DNM3: variants seen among roughly 807,000 people sequenced by gnomAD.
The protein encoded by DNM3 is dynamin-3.
A neutral mutation model predicts 101.6 loss-of-function variants in DNM3; 47 were observed. The ratio of observed to expected loss-of-function variants is 0.46; its 90% CI spans 0.37 to 0.59. DNM3 has a LOEUF of 0.59. DNM3 is among the 20% of genes least tolerant of loss of function. DNM3 has a pLI of 0.00. For synonymous variants in DNM3, 385 were observed against 387.9 expected, an observed-to-expected ratio of 0.99 and a Z score of 0.09; for missense variants, 849 against 1,085.7, an observed-to-expected ratio of 0.78 and a Z score of 3.06.
At chr1:172,182,623 A>G (rs2059388633) in intron 14 of DNM3, among the ~76,000 whole-genome samples, 2 of 152,140 alleles carry the variant, frequency 1.3e-5, no homozygotes, top group African/African-American at 4.8e-5. Flanking sequence ...GGTACTCACT[A>G]AAGTGGAGCA....
intron 14 of DNM3, among the ~76,000 whole-genome samples, chr1:172,250,621 A>G (rs1328859093): frequency 1.3e-5 from 2 of 152,136 alleles, no homozygotes; most frequent in Non-Finnish European, 2.9e-5. Flanking sequence ...TGTTGTGGGA[A>G]TGTCAAAGGA....
intron 1 of DNM3, among the ~76,000 whole-genome samples, chr1:171,919,451 C>A (rs1342366490): frequency 6.6e-6 from 1 of 151,944 alleles, no homozygotes; most frequent in Non-Finnish European, 1.5e-5. Context: ...ATGATGGTTT[C>A]CAGCTTTATC....
intron 1 of DNM3, among the ~76,000 whole-genome samples, chr1:171,860,228 A>G (rs1459606502): frequency 1.3e-5 from 2 of 152,132 alleles, no homozygotes; most frequent in Non-Finnish European, 2.9e-5. Context: ...GTTACTTTAA[A>G]TCTACTTTTA....
At chr1:171,978,530 A>G (rs768762773) in intron 2 of DNM3, among the ~76,000 whole-genome samples, 6 of 152,124 alleles carry the variant, frequency 3.9e-5, no homozygotes, top group Non-Finnish European at 7.3e-5. Context: ...CTGGAGGCAG[A>G]TGGGTGGCAG....
intron 20 of DNM3, among the ~76,000 whole-genome samples, chr1:172,391,965 A>G (rs908030578): frequency 3.9e-5 from 6 of 152,360 alleles, no homozygotes; most frequent in African/African-American, 1.4e-4. Flanking sequence ...TTAAGAGCAT[A>G]TATACTTTTA....
At chr1:172,022,386 C>G (rs2047907924) in intron 4 of DNM3, among the ~76,000 whole-genome samples, 1 of 152,000 alleles carries the variant, frequency 6.6e-6, no homozygotes, top group African/African-American at 2.4e-5. Flanking sequence ...TTGAGTCTGC[C>G]AGCAGGAGTT....
chr1:172,008,369 T>C (rs2046840090), intron 4 of DNM3, among the ~76,000 whole-genome samples: 1 of 152,042 alleles, frequency 6.6e-6, no homozygotes, highest in Non-Finnish European at 1.5e-5. Context: ...TATTTGGAAT[T>C]GATTTTTGCA....
intron 16 of DNM3, among the ~76,000 whole-genome samples, chr1:172,313,395 A>G (rs1191793766): frequency 6.6e-6 from 1 of 152,250 alleles, no homozygotes; most frequent in Non-Finnish European, 1.5e-5. Context: ...ATTATAAATA[A>G]ATGTGAATTT....
intron 10 of DNM3, among the ~76,000 whole-genome samples, chr1:172,061,085 A>G (rs1487639677): frequency 1.4e-5 from 2 of 143,872 alleles, no homozygotes; most frequent in African/African-American, 5.3e-5. Context: ...CAGCCAAAAA[A>G]CACATGAAAA....
chr1:172,337,712 A>G (rs913408892), intron 17 of DNM3, among the ~76,000 whole-genome samples: 7 of 152,108 alleles, frequency 4.6e-5, no homozygotes, highest in African/African-American at 1.7e-4. Context: ...CACTAGCTCA[A>G]GTTTTCTCAA....
Position 171,943,110 on chromosome 1 carries a change from C to CA in DNM3, c.235+21298dup, listed in dbSNP as rs199752457. 6.7e-3 allele frequency among the ~76,000 whole-genome samples: 974 copies of CA among 144,322 alleles called. 13 individuals are homozygous for CA. Among genetic ancestry groups the CA allele is most frequent in the African/African-American group, 0.022 (868 of 39,020 alleles). The allele number at this position is 144,322 out of a possible 152,430, so 94.7% of individuals were successfully genotyped here. A position where few individuals can be genotyped will look rare whatever the true frequency, so the allele number is the denominator to read the frequency against. ...TGAGCAACAGAGTGAAACACTGTCT[C>CA]AAAAAAAAATAAAAATAAAAAATAA... On this transcript the variant is annotated intron_variant, in intron 2 of 20. Transcript: ENST00000627582.
intron 2 of DNM3, among the ~76,000 whole-genome samples, chr1:171,959,380 C>CT (rs1221881371): frequency 6.6e-6 from 1 of 152,008 alleles, no homozygotes; most frequent in Non-Finnish European, 1.5e-5. Flanking sequence ...AGGTTTCTAG[C>CT]TTGGGTTACG....
At chr1:172,155,119 G>C (rs1013876511) in intron 14 of DNM3, among the ~76,000 whole-genome samples, 1 of 151,702 alleles carries the variant, frequency 6.6e-6, no homozygotes, top group African/African-American at 2.4e-5. Flanking sequence ...ATTTAAAGAG[G>C]AACACACTCA....
chr1:172,034,049 C>T (rs1238181230), intron 6 of DNM3, among the ~76,000 whole-genome samples: 1 of 152,120 alleles, frequency 6.6e-6, no homozygotes, highest in African/African-American at 2.4e-5. Context: ...CTTAATCAGG[C>T]AATCAATCAA....
At chr1:172,219,650 G>T (rs1304389679) in intron 14 of DNM3, among the ~76,000 whole-genome samples, 1 of 152,076 alleles carries the variant, frequency 6.6e-6, no homozygotes, top group East Asian at 1.9e-4. Flanking sequence ...GAACGCAAAA[G>T]ACTCAATCTG....
chr1:172,240,423 T>G (rs1261391444), intron 14 of DNM3, among the ~76,000 whole-genome samples: 2 of 152,172 alleles, frequency 1.3e-5, no homozygotes, highest in African/African-American at 4.8e-5. Context: ...ATCTACTGAG[T>G]TCTGGGAATT....
At chr1:171,947,470 T>C (rs1396920338) in intron 2 of DNM3, among the ~76,000 whole-genome samples, 3 of 152,104 alleles carry the variant, frequency 2.0e-5, no homozygotes, top group Non-Finnish European at 4.4e-5. Context: ...ATAGTTTAAG[T>C]GTTTTAAATT....
At chr1:172,339,728 TTTA>T (rs1020145402) in intron 17 of DNM3, among the ~76,000 whole-genome samples, 7 of 152,196 alleles carry the variant, frequency 4.6e-5, no homozygotes, top group African/African-American at 1.7e-4. Context: ...TTTGATGTCA[TTTA>T]TTGCTTCTCT....
intron 10 of DNM3, among the ~76,000 whole-genome samples, chr1:172,066,427 G>C (rs551825204): frequency 1.3e-5 from 2 of 152,202 alleles, no homozygotes; most frequent in East Asian, 3.9e-4. Context: ...ATATTGTAAG[G>C]GTGCTGAGTG....
Sources: gnomAD v4.1 joint callset for allele counts (sites outside exome capture counted in the v4.1 genomes callset) on GRCh38, gnomAD v4.1.1 for gene constraint, MANE v1.5 for transcripts, NCBI Gene and HGNC (gene_info 2026-07-23, HGNC 2026-07-21) for gene names.